The following MMP26 variants were observed in gnomAD, a reference collection of about 807,000 sequenced individuals.
MMP26 encodes the protein matrix metallopeptidase 26.
A neutral mutation model predicts 31.0 loss-of-function variants in MMP26; 33 were observed. That is an observed-to-expected ratio of 1.06 (90% CI 0.81 to 1.42). MMP26 has a LOEUF of 1.42. MMP26 is among the 40% of genes most tolerant of loss of function. The pLI is 0.00. For missense variants in MMP26, 347 were observed against 316.1 expected (o/e 1.10, Z -0.74); for synonymous variants, 122 against 114.9 (o/e 1.06, Z -0.40).
At chr11:4,731,870 T>A (rs1294664150) in intron 1 of MMP26, among the ~76,000 whole-genome samples, 3 of 152,196 alleles carry the variant, frequency 2.0e-5, no homozygotes, top group Non-Finnish European at 4.4e-5. Flanking sequence ...CCTTCTGTAT[T>A]GTGGGGAAAG....
intron 1 of MMP26, among the ~76,000 whole-genome samples, chr11:4,754,844 G>A (rs566019417): frequency 1.3e-5 from 2 of 151,716 alleles, no homozygotes; most frequent in African/African-American, 4.8e-5. Flanking sequence ...TGTCTAATTC[G>A]TTGATTCTTC....
intron 2 of MMP26, among the ~76,000 whole-genome samples, chr11:4,978,957 A>C (rs984094559): frequency 6.6e-6 from 1 of 152,186 alleles, no homozygotes; most frequent in Non-Finnish European, 1.5e-5. Context: ...ATGACAAAGT[A>C]AGCATGATAC....
At position 4,901,149 on chromosome 11, in the gene MMP26, C is replaced by CTTTTTTT. The variant is rs55678976; in HGVS notation, c.-144-86898_-144-86892dup. On this transcript the variant is annotated intron_variant, in intron 2 of 7. Coordinates refer to ENST00000380390, the MANE Select transcript of MMP26 (RefSeq NM_021801.5). Reference sequence around the variant, plus strand: ...GTGGACTTCGCATCACCTCTTTGTGCTTTTTTTTTTTTTTTTTTTTTTTTT... The same window carrying CTTTTTTT: ...GTGGACTTCGCATCACCTCTTTGTGCTTTTTTTTTTTTTTTTTTTTTTTTTTTTTTTT... Among the ~76,000 whole-genome samples the CTTTTTTT allele has an allele frequency of 1.1e-4, 9 of 84,512 alleles. 1 individual carries two copies. The highest frequency in any genetic ancestry group is 5.2e-4 in the South Asian group (1 of 1,918). 55.4% of individuals were successfully genotyped at this position (84,512 alleles called of 152,430 possible).
At chr11:4,752,904 A>T (rs1848464166) in intron 1 of MMP26, 2 of 152,482 alleles carry the variant, frequency 1.3e-5, no homozygotes, top group Non-Finnish European at 2.9e-5. Flanking sequence ...GGAGATCCAG[A>T]CATGGGCCCA....
At chr11:4,780,097 G>A (rs533683584) in intron 2 of MMP26, among the ~76,000 whole-genome samples, 1 of 152,150 alleles carries the variant, frequency 6.6e-6, no homozygotes, top group South Asian at 2.1e-4. Context: ...GTTGACTATT[G>A]TTGGTCATTT....
At chr11:4,823,344 T>A (rs567280524) in intron 2 of MMP26, among the ~76,000 whole-genome samples, 1 of 152,172 alleles carries the variant, frequency 6.6e-6, no homozygotes, top group Non-Finnish European at 1.5e-5. Flanking sequence ...CCAAGCCTTT[T>A]AGCAAAGTCC....
At chr11:4,753,599 A>G (rs1848473152) in intron 1 of MMP26, among the ~76,000 whole-genome samples, 1 of 152,054 alleles carries the variant, frequency 6.6e-6, no homozygotes, top group African/African-American at 2.4e-5. Context: ...GAAATATTCT[A>G]TTTAACTGTG....
rs185671382 is a variant in MMP26 at position 4,764,087 on chromosome 11, A to C, written c.-216-3183A>C. Reference sequence around the variant, plus strand: ...TTTAATCTTTTCTTCAAAATGTCTCATTCTGTCTCTGTTGACCTGCAGGAA... The same window carrying C: ...TTTAATCTTTTCTTCAAAATGTCTCCTTCTGTCTCTGTTGACCTGCAGGAA... On this transcript the variant is annotated intron_variant, in intron 1 of 7. Coordinates refer to ENST00000380390, the MANE Select transcript of MMP26 (RefSeq NM_021801.5). Among the ~76,000 whole-genome samples the C allele has an allele frequency of 1.6e-3, 249 of 152,268 alleles. 6 individuals carry two copies. Among genetic ancestry groups the C allele is most frequent in the South Asian group, 0.011 (53 of 4,826 alleles).
intron 2 of MMP26, among the ~76,000 whole-genome samples, chr11:4,907,095 T>TAAA (rs3065178): frequency 0.27 from 14,688 of 55,016 alleles, 2,904 homozygotes; most frequent in East Asian, 0.69. Flanking sequence ...AAACTCCCTC[T>TAAA]AAAAAAAAAA....
At chr11:4,754,654 G>T (rs1848485230) in intron 1 of MMP26, among the ~76,000 whole-genome samples, 1 of 151,886 alleles carries the variant, frequency 6.6e-6, no homozygotes, top group Non-Finnish European at 1.5e-5. Context: ...TCATCTAATT[G>T]ACTAGTACTT....
rs766872582 is a variant in MMP26 at position 4,915,417 on chromosome 11, G to A, written c.-144-72651G>A. 8.1e-6 allele frequency: 13 copies of A among 1,614,116 alleles called. No homozygotes were observed. The highest frequency in any genetic ancestry group is 3.3e-5 in the Admixed American group (2 of 60,024). ...CAAAAGATGCCCAGGACTGTAGGGA[G>A]AGTGCAAAGGGAGAGACCCAGGTCA... On this transcript the variant is annotated intron_variant, in intron 2 of 7. Transcript: ENST00000380390.
chr11:4,932,162 A>G (rs1851358901), intron 2 of MMP26, among the ~76,000 whole-genome samples: 1 of 151,960 alleles, frequency 6.6e-6, no homozygotes, highest in African/African-American at 2.4e-5. Context: ...ACAGACACAC[A>G]GGTGGAGGTC....
At chr11:4,884,316 G>A (rs901626114) in intron 2 of MMP26, among the ~76,000 whole-genome samples, 3 of 152,024 alleles carry the variant, frequency 2.0e-5, no homozygotes, top group Non-Finnish European at 2.9e-5. Flanking sequence ...TAGCTAAAAT[G>A]TTTCTTTGCC....
At position 4,881,901 on chromosome 11, in the gene MMP26, T is replaced by A. The variant is rs753809609; in HGVS notation, c.-144-106167T>A. The A allele has an allele frequency of 2.0e-5, 32 of 1,610,758 alleles. No individual in the cohort carries two copies. Among genetic ancestry groups the A allele is most frequent in the Non-Finnish European group, 2.6e-5 (31 of 1,177,164 alleles). On this transcript the variant is annotated intron_variant, in intron 2 of 7. Coordinates refer to ENST00000380390, the MANE Select transcript of MMP26 (RefSeq NM_021801.5). ...ATAGTTCAGTGTCTTCAACCAACCA[T>A]GGCAATATTCAATAACACCACTTCG...
At chr11:4,967,746 GT>G (rs753231843) in intron 2 of MMP26, among the ~76,000 whole-genome samples, 8 of 152,108 alleles carry the variant, frequency 5.3e-5, no homozygotes, top group Non-Finnish European at 1.0e-4. Flanking sequence ...ATGGTGTCCT[GT>G]TACAGATTCT....
chr11:4,731,092 G>C (rs1848167844), intron 1 of MMP26, among the ~76,000 whole-genome samples: 1 of 152,076 alleles, frequency 6.6e-6, no homozygotes, highest in African/African-American at 2.4e-5. Context: ...TTACAGGCGT[G>C]CACCACCACT....
At position 4,989,519 on chromosome 11, in the gene MMP26, C is replaced by T. The variant is rs1459575138; in HGVS notation, c.100-129C>T. Reference sequence around the variant, plus strand: ...ATGGCTGCCATCATCTGACTGAGAACAGGAGACTTAGGAAGGCCAGACTAA... The same window carrying T: ...ATGGCTGCCATCATCTGACTGAGAATAGGAGACTTAGGAAGGCCAGACTAA... On this transcript the variant is annotated intron_variant, in intron 3 of 7. Transcript: ENST00000380390. The T allele has an allele frequency of 4.6e-6, 3 of 652,650 alleles. No individual in the cohort carries two copies. The African/African-American group carries it at 5.4e-5, about 12-fold the overall frequency. 40.4% of individuals were successfully genotyped at this position (652,650 alleles called of 1,614,324 possible). A position where few individuals can be genotyped will look rare whatever the true frequency, so the allele number is the denominator to read the frequency against.
intron 2 of MMP26, chr11:4,881,967 A>T: frequency 6.2e-7 from 1 of 1,613,872 alleles, no homozygotes; most frequent in Non-Finnish European, 8.5e-7. Flanking sequence ...CCTGGGCTGG[A>T]ATGTGCTCAT....
intron 2 of MMP26, chr11:4,821,754 C>T (rs1386084866): frequency 6.2e-7 from 1 of 1,613,948 alleles, no homozygotes; most frequent in Non-Finnish European, 8.5e-7. Flanking sequence ...GATTTACTTT[C>T]ATGGAGTCTG....
Sources: gnomAD v4.1 joint callset for allele counts (sites outside exome capture counted in the v4.1 genomes callset) on GRCh38, gnomAD v4.1.1 for gene constraint, MANE v1.5 for transcripts, NCBI Gene and HGNC (gene_info 2026-07-23, HGNC 2026-07-21) for gene names.